Variants in DRGX observed in about 807,000 individuals in gnomAD.
DRGX encodes the protein dorsal root ganglia homeobox protein.
DRGX carries 21 observed loss-of-function variants against 28.6 expected under a neutral mutation model. That is an observed-to-expected ratio of 0.73 (90% CI 0.52 to 1.06). The LOEUF is 1.06. Among genes scored for constraint, DRGX ranks in the 50% least tolerant of loss-of-function variants. The probability of loss-of-function intolerance (pLI) is 0.00; values close to 1 mark genes in which losing one functional copy is unlikely to be tolerated. For missense variants in DRGX, 354 were observed against 343.9 expected, an observed-to-expected ratio of 1.03 and a Z score of -0.23; for synonymous variants, 136 against 139.1, an observed-to-expected ratio of 0.98 and a Z score of 0.16.
At chr10:49,366,809 GA>G (rs1318220415) in intron 6 of DRGX, among the ~76,000 whole-genome samples, 3 of 152,220 alleles carry the variant, frequency 2.0e-5, no homozygotes, top group Non-Finnish European at 4.4e-5. Flanking sequence ...TAAATGGAAG[GA>G]AACCCAGCCA....
chr10:49,373,032 G>A (rs1024651535), intron 6 of DRGX, among the ~76,000 whole-genome samples: 1 of 152,014 alleles, frequency 6.6e-6, no homozygotes, highest in African/African-American at 2.4e-5. Flanking sequence ...AGCAGCACAT[G>A]CACTAAAATT....
intron 6 of DRGX, among the ~76,000 whole-genome samples, chr10:49,373,973 A>G (rs1233556012): frequency 1.3e-5 from 2 of 152,218 alleles, no homozygotes; most frequent in Non-Finnish European, 1.5e-5. Context: ...GTTATTAAAC[A>G]TATGTTTATT....
At position 49,391,777 on chromosome 10, in the gene DRGX, T is replaced by C. The variant is rs1849908163; in HGVS notation, c.35-516A>G. 7 of 488,922 alleles carry C rather than the reference T, an allele frequency of 1.4e-5. No individual in the cohort carries two copies. In the Admixed American group the frequency reaches 1.6e-4, roughly 11 times the overall value. 30.3% of individuals were successfully genotyped at this position (488,922 alleles called of 1,614,324 possible). A position where few individuals can be genotyped will look rare whatever the true frequency, so the allele number is the denominator to read the frequency against. On this transcript the variant is annotated intron_variant, in intron 2 of 6. Transcript: ENST00000374139. ...AACACCAAGAGCTTTTCACGGCACT[T>C]TTCTCTTATAAGTGCAGAACGTGAG...
intron 6 of DRGX, among the ~76,000 whole-genome samples, chr10:49,368,350 C>T (rs1336247957): frequency 1.3e-5 from 2 of 152,262 alleles, no homozygotes; most frequent in African/African-American, 2.4e-5. Context: ...GCAGCAGATA[C>T]CAAGATGAGT....
intron 6 of DRGX, among the ~76,000 whole-genome samples, chr10:49,367,961 C>A (rs1372284517): frequency 1.3e-5 from 2 of 152,220 alleles, no homozygotes; most frequent in Non-Finnish European, 2.9e-5. Context: ...GCAGCCGGAG[C>A]TACACCAGCT....
rs1590370806 is a variant in DRGX at position 49,390,008 on chromosome 10, C to A, written c.234+125G>T. 4.9e-6 allele frequency: 4 copies of A among 811,398 alleles called. No individual in the cohort carries two copies. In the East Asian group the frequency reaches 1.1e-4, roughly 22 times the overall value. 50.3% of individuals were successfully genotyped at this position (811,398 alleles called of 1,614,324 possible). A position where few individuals can be genotyped will look rare whatever the true frequency, so the allele number is the denominator to read the frequency against. On this transcript the variant is annotated intron_variant, in intron 4 of 6. Coordinates refer to ENST00000374139, the MANE Select transcript of DRGX (RefSeq NM_001276451.2). ...TTATGTTGATGTTATTAAAGTGCATCATGAAAATGACAGATAGTCTTCATT... is the reference window on the plus strand; with the variant it reads ...TTATGTTGATGTTATTAAAGTGCATAATGAAAATGACAGATAGTCTTCATT...
At chr10:49,367,740 T>A (rs1475807834) in intron 6 of DRGX, among the ~76,000 whole-genome samples, 1 of 152,202 alleles carries the variant, frequency 6.6e-6, no homozygotes, top group African/African-American at 2.4e-5. Context: ...AGCACCAAGG[T>A]CAGCACACTT....
intron 6 of DRGX, among the ~76,000 whole-genome samples, chr10:49,378,250 T>C (rs1849736771): frequency 6.6e-6 from 1 of 152,008 alleles, no homozygotes; most frequent in African/African-American, 2.4e-5. Flanking sequence ...AAAGGGTATC[T>C]TTAAAAAAAA....
chr10:49,395,727 G>A (rs970106118), intron 1 of DRGX, among the ~76,000 whole-genome samples: 2 of 152,170 alleles, frequency 1.3e-5, no homozygotes, highest in Non-Finnish European at 2.9e-5. Flanking sequence ...CCGGACGGCC[G>A]TGCCCTCACC....
intron 6 of DRGX, among the ~76,000 whole-genome samples, chr10:49,369,607 G>T (rs1440248874): frequency 6.6e-6 from 1 of 152,060 alleles, no homozygotes; most frequent in East Asian, 1.9e-4. Context: ...AGGGGAAGTG[G>T]GAATTGTTCG....
chr10:49,365,926 G>T lies in DRGX; in HGVS notation c.*190C>A. ...CCAAAGAAGCCAGGACAACACTGCC[G>T]CACTGGTGGGACTCCAGAGGGACGC... is the stretch of plus-strand genomic sequence containing the variant. On this transcript the variant is annotated 3_prime_UTR_variant, in exon 7 of 7. Coordinates refer to ENST00000374139, the MANE Select transcript of DRGX (RefSeq NM_001276451.2). The T allele has an allele frequency of 1.8e-6, 1 of 560,334 alleles. No individual in the cohort carries two copies. The highest frequency in any genetic ancestry group is 2.8e-6 in the Non-Finnish European group (1 of 354,086). 34.7% of individuals were successfully genotyped at this position (560,334 alleles called of 1,614,324 possible). A position where few individuals can be genotyped will look rare whatever the true frequency, so the allele number is the denominator to read the frequency against.
At chr10:49,387,590 G>C (rs150043580) in intron 4 of DRGX, among the ~76,000 whole-genome samples, 5 of 151,392 alleles carry the variant, frequency 3.3e-5, no homozygotes, top group African/African-American at 1.2e-4. Context: ...TTGAACCCGG[G>C]AGGTAGAGGT....
intron 6 of DRGX, among the ~76,000 whole-genome samples, chr10:49,381,970 G>A (rs543897403): frequency 2.0e-5 from 3 of 152,232 alleles, no homozygotes; most frequent in East Asian, 1.9e-4. Context: ...AAGCTGCCAC[G>A]GGCTTGGAGA....
chr10:49,378,265 A>AGGT (rs1385980395), intron 6 of DRGX, among the ~76,000 whole-genome samples: 1 of 152,180 alleles, frequency 6.6e-6, no homozygotes, highest in South Asian at 2.1e-4. Context: ...AAAAAAAGGC[A>AGGT]GCAAACACAA....
chr10:49,369,363 G>C (rs754356918), intron 6 of DRGX, among the ~76,000 whole-genome samples: 14 of 152,204 alleles, frequency 9.2e-5, no homozygotes, highest in Non-Finnish European at 1.9e-4. Flanking sequence ...GTGAAGCCAA[G>C]GACCCTGTGG....
chr10:49,366,788 C>T (rs959157439), intron 6 of DRGX, among the ~76,000 whole-genome samples: 11 of 152,196 alleles, frequency 7.2e-5, no homozygotes, highest in Admixed American at 4.6e-4. Context: ...TGGGGCACTG[C>T]GGGGATACCT....
chr10:49,374,501 G>A (rs935528990), intron 6 of DRGX, among the ~76,000 whole-genome samples: 1 of 152,120 alleles, frequency 6.6e-6, no homozygotes, highest in Admixed American at 6.6e-5. Context: ...CTTTGTAAGA[G>A]CCCTCTGGTC....
rs1590358669 is a variant in DRGX, at chr10:49,365,950, G to A, written c.*166C>T. 10 of 756,678 alleles carry A rather than the reference G, an allele frequency of 1.3e-5. No homozygotes were observed. Among genetic ancestry groups the A allele is most frequent in the African/African-American group, 1.3e-4 (7 of 55,952 alleles). The allele number at this position is 756,678 out of a possible 1,614,324, so 46.9% of individuals were successfully genotyped here. On this transcript the variant is annotated 3_prime_UTR_variant, in exon 7 of 7. Transcript: ENST00000374139. ...CGCACTGGTGGGACTCCAGAGGGAC[G>A]CTCCAGGTGCCAAGGGAGCTGTGGG...
intron 6 of DRGX, among the ~76,000 whole-genome samples, chr10:49,380,364 C>A (rs1849761505): frequency 6.6e-6 from 1 of 152,238 alleles, no homozygotes; most frequent in Non-Finnish European, 1.5e-5. Flanking sequence ...GTGGCCAGCA[C>A]TTCTCCGGAA....
Sources: gnomAD v4.1 joint callset for allele counts (sites outside exome capture counted in the v4.1 genomes callset) on GRCh38, gnomAD v4.1.1 for gene constraint, MANE v1.5 for transcripts, NCBI Gene and HGNC (gene_info 2026-07-23, HGNC 2026-07-21) for gene names.